The following TLL1 variants were observed in gnomAD, a reference collection of about 807,000 sequenced individuals.
TLL1 encodes tolloid-like protein 1.
Under a neutral mutation model 128.2 loss-of-function variants are expected in TLL1, and 49 were observed. The observed-to-expected ratio is 0.38, with a 90% CI of 0.30 to 0.48. The LOEUF (loss-of-function observed/expected upper bound fraction) is 0.48, where lower values mean the gene tolerates loss of function less well. Among genes scored for constraint, TLL1 ranks in the 20% least tolerant of loss-of-function variants. The probability of loss-of-function intolerance (pLI) is 0.96; values close to 1 mark genes in which losing one functional copy is unlikely to be tolerated. For missense variants in TLL1, 1,123 were observed against 1,242.0 expected (o/e 0.90, Z 1.44); for synonymous variants, 454 against 418.8 (o/e 1.08, Z -1.03).
At chr4:166,075,976 T>C (rs1463083124) in intron 17 of TLL1, among the ~76,000 whole-genome samples, 1 of 152,204 alleles carries the variant, frequency 6.6e-6, no homozygotes, top group Non-Finnish European at 1.5e-5. Flanking sequence ...TCTGCTTTCA[T>C]GGATAAGCAT....
rs534416173 is a variant in TLL1 at position 165,996,393 on chromosome 4, G to A, written c.632+1215G>A. On this transcript the variant is annotated intron_variant, in intron 5 of 20. Transcript: ENST00000061240. Reference sequence around the variant, plus strand: ...AGAGGCCGAGGCAGATGGATAACTTGAGGTCAGGAGTTCGAGACCAGTCTG... The same window carrying A: ...AGAGGCCGAGGCAGATGGATAACTTAAGGTCAGGAGTTCGAGACCAGTCTG... 5.9e-5 allele frequency among the ~76,000 whole-genome samples: 9 copies of A among 152,280 alleles called. 1 individual carries two copies. The South Asian group carries it at 1.9e-3, about 32-fold the overall frequency.
chr4:166,003,061 TACA>T (rs1307491768), intron 5 of TLL1, among the ~76,000 whole-genome samples: 2 of 152,168 alleles, frequency 1.3e-5, no homozygotes, highest in Non-Finnish European at 2.9e-5. Context: ...GTCTTAGAAA[TACA>T]ACATCGTCAT....
At chr4:165,996,978 A>G (rs1245003901) in intron 5 of TLL1, among the ~76,000 whole-genome samples, 3 of 151,738 alleles carry the variant, frequency 2.0e-5, no homozygotes, top group African/African-American at 7.3e-5. Context: ...AATTTTGGTA[A>G]TTTATCTTGC....
Position 166,066,052 on chromosome 4 carries a change from A to T in TLL1, c.2188+189A>T, listed in dbSNP as rs549268255. 2.0e-5 allele frequency among the ~76,000 whole-genome samples: 3 copies of T among 152,162 alleles called. No homozygotes were observed. In the South Asian group the frequency reaches 6.2e-4, roughly 32 times the overall value. On this transcript the variant is annotated intron_variant, in intron 16 of 20. Transcript: ENST00000061240. Reference sequence around the variant, plus strand: ...ACTTTACTCTTTACAGGTGGATGGGAATAATGATACAAGACCTCCAAAAAG... The same window carrying T: ...ACTTTACTCTTTACAGGTGGATGGGTATAATGATACAAGACCTCCAAAAAG...
At chr4:165,993,932 A>G (rs371238011) in intron 3 of TLL1, among the ~76,000 whole-genome samples, 8 of 152,156 alleles carry the variant, frequency 5.3e-5, no homozygotes, top group Non-Finnish European at 1.0e-4. Flanking sequence ...TTAATTTTAG[A>G]CTGTACTGTG....
intron 18 of TLL1, among the ~76,000 whole-genome samples, chr4:166,079,627 G>A (rs917240703): frequency 5.3e-5 from 8 of 151,958 alleles, no homozygotes; most frequent in Admixed American, 2.0e-4. Context: ...GTATATTTCT[G>A]TTTAGTAATT....
chr4:165,951,070 G>A (rs911566279), intron 1 of TLL1, among the ~76,000 whole-genome samples: 1 of 151,892 alleles, frequency 6.6e-6, no homozygotes, highest in Non-Finnish European at 1.5e-5. Flanking sequence ...TGAAAAGAGG[G>A]GATGTAATTA....
chr4:166,026,264 C>A (rs1738485693), intron 9 of TLL1, among the ~76,000 whole-genome samples: 2 of 152,104 alleles, frequency 1.3e-5, no homozygotes. Context: ...TGGCACACAG[C>A]TGTAATCCCA....
At position 166,100,701 on chromosome 4, in the gene TLL1, T is replaced by C. The variant is rs746386596; in HGVS notation, c.2908-41T>C. 57 of 1,611,304 alleles carry C rather than the reference T, an allele frequency of 3.5e-5. 1 individual carries two copies. In the South Asian group the frequency reaches 3.7e-4, roughly 11 times the overall value. Reference sequence around the variant, plus strand: ...ACACTGAAGAAAAAGTGATTCGTTTTATTGCTTGTTTACTTGCTTGTTGTT... The same window carrying C: ...ACACTGAAGAAAAAGTGATTCGTTTCATTGCTTGTTTACTTGCTTGTTGTT... On this transcript the variant is annotated intron_variant, in intron 20 of 20. Transcript: ENST00000061240.
intron 1 of TLL1, among the ~76,000 whole-genome samples, chr4:165,954,976 A>G (rs987808228): frequency 6.6e-6 from 1 of 152,110 alleles, no homozygotes; most frequent in Non-Finnish European, 1.5e-5. Flanking sequence ...AATGGCTGAA[A>G]TGATAGACAG....
rs116780541 is a variant in TLL1, at chr4:166,033,137, C to T, written c.1159-6202C>T. ...CTCCTGAAAGTAGAAATTAAAATAA[C>T]CTTTTAGAAGCACATTGGGTAATTT... On this transcript the variant is annotated intron_variant, in intron 9 of 20. Coordinates refer to ENST00000061240, the MANE Select transcript of TLL1 (RefSeq NM_012464.5). 7.3e-3 allele frequency among the ~76,000 whole-genome samples: 1,114 copies of T among 152,118 alleles called. 16 individuals are homozygous for T. The highest frequency in any genetic ancestry group is 0.025 in the African/African-American group (1,031 of 41,532).
rs778685034 is a variant in TLL1, at chr4:166,065,852, A to AT, written c.2183dup (p.Ser729LeufsTer5). The AT allele has an allele frequency of 2.5e-6, 4 of 1,612,184 alleles. No individual in the cohort carries two copies. The highest frequency in any genetic ancestry group is 1.7e-5 in the Admixed American group (1 of 59,802). On this transcript the variant is annotated frameshift_variant, in exon 16 of 21. Transcript: ENST00000061240. LOFTEE classifies it high-confidence loss of function. ...GTATCCAAGAAGGGCTTCAAAGCAC[A>AT]TTTTTTCTCAGGTATAAGCATTCAC...
chr4:165,970,904 C>T (rs949810511), intron 1 of TLL1, among the ~76,000 whole-genome samples: 3 of 152,114 alleles, frequency 2.0e-5, no homozygotes, highest in African/African-American at 7.2e-5. Flanking sequence ...TGTGATCTAC[C>T]TAATGGTTAT....
intron 1 of TLL1, among the ~76,000 whole-genome samples, chr4:165,966,864 C>G (rs566017797): frequency 6.6e-6 from 1 of 152,110 alleles, no homozygotes; most frequent in Non-Finnish European, 1.5e-5. Flanking sequence ...CCACTGGGCA[C>G]GCATTATCAT....
chr4:166,048,377 T>A (rs1018982592), intron 12 of TLL1, among the ~76,000 whole-genome samples: 4 of 152,188 alleles, frequency 2.6e-5, no homozygotes, highest in Non-Finnish European at 5.9e-5. Context: ...TTGAAAACTA[T>A]GGAAATAAAT....
chr4:166,076,859 C>T (rs1040196938), intron 17 of TLL1, among the ~76,000 whole-genome samples: 1 of 152,108 alleles, frequency 6.6e-6, no homozygotes, highest in African/African-American at 2.4e-5. Context: ...CCTGTGGAAA[C>T]CTAGCACAAT....
intron 9 of TLL1, among the ~76,000 whole-genome samples, chr4:166,036,296 G>C: frequency 6.6e-6 from 1 of 152,164 alleles, no homozygotes; most frequent in East Asian, 1.9e-4. Context: ...ATTGGCAGCA[G>C]TGACATCTAT....
intron 15 of TLL1, among the ~76,000 whole-genome samples, 156 bp downstream of exon 15, chr4:166,060,344 G>A (rs1303610434): frequency 2.0e-5 from 3 of 151,702 alleles, no homozygotes; most frequent in East Asian, 1.9e-4. Context: ...TATGAATCTC[G>A]TTGGCATTGG....
chr4:165,887,299 G>C (rs529500745), intron 1 of TLL1, among the ~76,000 whole-genome samples: 15 of 152,264 alleles, frequency 9.9e-5, no homozygotes, highest in Admixed American at 3.3e-4. Flanking sequence ...GGTTATAGTA[G>C]AAGTAGAGGC....
Sources: gnomAD v4.1 joint callset for allele counts (sites outside exome capture counted in the v4.1 genomes callset) on GRCh38, gnomAD v4.1.1 for gene constraint, MANE v1.5 for transcripts, NCBI Gene and HGNC (gene_info 2026-07-23, HGNC 2026-07-21) for gene names.